NEXMIF: variants seen among roughly 807,000 people sequenced by gnomAD.
NEXMIF encodes XLMR protein related to neurite extension.
NEXMIF carries 8 observed loss-of-function variants against 62.1 expected under a neutral mutation model. The ratio of observed to expected loss-of-function variants is 0.13; its 90% CI spans 0.08 to 0.23. The LOEUF is 0.23. Among genes scored for constraint, NEXMIF ranks in the 10% least tolerant of loss-of-function variants. The pLI is 1.00. For missense variants in NEXMIF, 976 were observed against 1,113.3 expected, an observed-to-expected ratio of 0.88 and a Z score of 1.75; for synonymous variants, 404 against 416.6, an observed-to-expected ratio of 0.97 and a Z score of 0.37.
intron 1 of NEXMIF, among the ~76,000 whole-genome samples, chrX:74,822,884 G>A (rs1005919482): frequency 4.5e-5 from 5 of 111,843 alleles, no homozygotes; most frequent in Admixed American, 1.9e-4. Flanking sequence ...ACATATGTCC[G>A]CAGAAACACT....
chrX:74,797,047 C>A (rs1359207350), intron 1 of NEXMIF, among the ~76,000 whole-genome samples: 2 of 111,895 alleles, frequency 1.8e-5, no homozygotes, highest in Admixed American at 1.9e-4. Flanking sequence ...GAAAATGGAA[C>A]TTTACCTCTG....
intron 1 of NEXMIF, among the ~76,000 whole-genome samples, chrX:74,828,012 A>C (rs2080424191): frequency 8.9e-6 from 1 of 112,047 alleles, no homozygotes; most frequent in African/African-American, 3.2e-5. Flanking sequence ...AGCATGCCCC[A>C]TACCACATCA....
At chrX:74,801,459 T>A (rs1342785404) in intron 1 of NEXMIF, among the ~76,000 whole-genome samples, 4 of 111,592 alleles carry the variant, frequency 3.6e-5, no homozygotes, top group African/African-American at 9.8e-5. Flanking sequence ...TTTCTAGACA[T>A]CCACCAGATG....
At chrX:74,886,264 C>A (rs1378168276) in intron 1 of NEXMIF, among the ~76,000 whole-genome samples, 1 of 111,813 alleles carries the variant, frequency 8.9e-6, no homozygotes, top group African/African-American at 3.3e-5. Context: ...TCTCTCACCA[C>A]TCCTATTCAA....
intron 1 of NEXMIF, among the ~76,000 whole-genome samples, chrX:74,831,322 TC>T (rs2080436099): frequency 9.2e-6 from 1 of 108,448 alleles, no homozygotes; most frequent in African/African-American, 3.4e-5. Flanking sequence ...TACGTATATC[TC>T]CTAATGCTAT....
intron 1 of NEXMIF, among the ~76,000 whole-genome samples, chrX:74,864,708 T>C (rs1448751154): frequency 9.0e-6 from 1 of 110,640 alleles, no homozygotes; most frequent in Non-Finnish European, 1.9e-5. Context: ...GTCTCAGGTA[T>C]TTCTTTTTTT....
rs755195783 is a variant in NEXMIF at position 74,883,010 on chromosome X, A to G, written c.-48+41873T>C. Among the ~76,000 whole-genome samples, 3 of 111,701 alleles carry G rather than the reference A, an allele frequency of 2.7e-5. No homozygotes were observed. The East Asian group carries it at 8.5e-4, about 32-fold the overall frequency. On this transcript the variant is annotated intron_variant, in intron 1 of 3. Transcript: ENST00000055682. Reference sequence around the variant, plus strand: ...CACCAATATCCGCTGTTCTGCAGCCACCACTGCTGATACCTAGGCAAACAG... The same window carrying G: ...CACCAATATCCGCTGTTCTGCAGCCGCCACTGCTGATACCTAGGCAAACAG...
intron 1 of NEXMIF, among the ~76,000 whole-genome samples, chrX:74,819,621 T>C (rs2080387999): frequency 9.0e-6 from 1 of 111,643 alleles, no homozygotes; most frequent in African/African-American, 3.3e-5. Context: ...GAAATGCAAA[T>C]CAAAACCACA....
At chrX:74,876,213 A>C (rs966994462) in intron 1 of NEXMIF, among the ~76,000 whole-genome samples, 2 of 111,144 alleles carry the variant, frequency 1.8e-5, no homozygotes, top group African/African-American at 3.3e-5. Flanking sequence ...TTGGTTTCAA[A>C]GAACATCTTT....
chrX:74,794,962 G>C lies in NEXMIF; in HGVS notation c.-47-49265C>G, dbSNP rs184383446. On this transcript the variant is annotated intron_variant, in intron 1 of 3. Coordinates refer to ENST00000055682, the MANE Select transcript of NEXMIF (RefSeq NM_001008537.3). ...TGTGTTGCTCACGCTGGGAGCTGTA[G>C]ACTGGAGCTGTTCCTATTCGGCCAT... is the stretch of plus-strand genomic sequence containing the variant. Among the ~76,000 whole-genome samples, 566 of 111,848 alleles carry C rather than the reference G, an allele frequency of 5.1e-3. 4 individuals are homozygous for C. Among genetic ancestry groups the C allele is most frequent in the African/African-American group, 0.018 (544 of 30,794 alleles).
At chrX:74,877,695 T>C (rs1177905542) in intron 1 of NEXMIF, among the ~76,000 whole-genome samples, 2 of 111,514 alleles carry the variant, frequency 1.8e-5, no homozygotes, top group Admixed American at 9.6e-5. Context: ...CGTTTCTTTT[T>C]ATTCTTTTTT....
rs1436218235 is a variant in NEXMIF at position 74,735,616 on chromosome X, A to T, written c.*3789T>A. The stretch of plus-strand genomic sequence containing the variant: ...CGCAGATGCTTCCCAGCAAGGAAAA[A>T]GTTCAGAGAAGGTGAAAGTTGTCAC... On this transcript the variant is annotated 3_prime_UTR_variant, in exon 4 of 4. Transcript: ENST00000055682. 1 of 111,918 alleles carries T rather than the reference A, an allele frequency of 8.9e-6. No homozygotes were observed. The highest frequency in any genetic ancestry group is 3.3e-5 in the African/African-American group (1 of 30,703). The allele number at this position is 111,918 out of a possible 1,213,427, so 9.2% of individuals were successfully genotyped here.
chrX:74,908,177 A>G (rs2080775300), intron 1 of NEXMIF, among the ~76,000 whole-genome samples: 1 of 112,031 alleles, frequency 8.9e-6, no homozygotes, highest in South Asian at 3.7e-4. Flanking sequence ...AAGGCAAAGT[A>G]AAGAGCATAC....
At chrX:74,835,355 C>T (rs1254877029) in intron 1 of NEXMIF, among the ~76,000 whole-genome samples, 1 of 111,277 alleles carries the variant, frequency 9.0e-6, no homozygotes, top group Non-Finnish European at 1.9e-5. Context: ...GATGATCTTG[C>T]TGCTTGTAGA....
intron 1 of NEXMIF, among the ~76,000 whole-genome samples, chrX:74,822,434 C>T (rs1602239994): frequency 8.9e-6 from 1 of 111,876 alleles, no homozygotes; most frequent in East Asian, 2.8e-4. Flanking sequence ...GCAAAAGACA[C>T]CACCAAAAAT....
chrX:74,893,760 C>G (rs1024161144), intron 1 of NEXMIF, among the ~76,000 whole-genome samples: 4 of 111,994 alleles, frequency 3.6e-5, no homozygotes, highest in Non-Finnish European at 7.5e-5. Context: ...GAAATTATAG[C>G]ATCCTAAATT....
intron 1 of NEXMIF, among the ~76,000 whole-genome samples, chrX:74,821,144 G>T (rs1364426170): frequency 9.0e-6 from 1 of 111,076 alleles, no homozygotes; most frequent in Non-Finnish European, 1.9e-5. Context: ...ACAACTGTTT[G>T]TCTCTTCTGA....
chrX:74,913,273 T>C lies in NEXMIF; in HGVS notation c.-48+11610A>G, dbSNP rs998892644. On this transcript the variant is annotated intron_variant, in intron 1 of 3. Transcript: ENST00000055682. ...TAATAATCAAAACATAAAAACTCAA[T>C]GTATGGTCTCTACAACAGAATGAAG... 4.5e-5 allele frequency among the ~76,000 whole-genome samples: 5 copies of C among 111,880 alleles called. No individual in the cohort carries two copies. The Admixed American group carries it at 4.8e-4, about 11-fold the overall frequency.
In NEXMIF at chrX:74,741,888, G is replaced by A. The variant is rs377201508; in HGVS notation, c.2669C>T (p.Pro890Leu). ...CTGGGTGCCAGAAGTAGCCTTGTTGGGCCACACATTTCTATAGTTGCTTGA... is the reference window on the plus strand; with the variant it reads ...CTGGGTGCCAGAAGTAGCCTTGTTGAGCCACACATTTCTATAGTTGCTTGA... Reference protein sequence around the residue: ...MESSNYRNVWPNKATSGTQEF... With the variant: ...MESSNYRNVWLNKATSGTQEF... The change falls in exon 3 of 4, where the codon CCC (proline) becomes CTC (leucine). Residue 890 changes from proline (P) to leucine (L), a missense_variant. Around this residue, in one of 5 missense-constraint regions of NEXMIF, gnomAD observed 639 missense variants for 694.5 expected, o/e 0.92. Transcript: ENST00000055682. 1.5e-4 allele frequency: 181 copies of A among 1,210,024 alleles called. No individual in the cohort carries two copies. Among genetic ancestry groups the A allele is most frequent in the Non-Finnish European group, 1.9e-4 (166 of 895,124 alleles).
Sources: gnomAD v4.1 joint callset for allele counts (sites outside exome capture counted in the v4.1 genomes callset) on GRCh38, gnomAD v4.1.1 for gene constraint, gnomAD v4.1.1 regional missense constraint, MANE v1.5 for transcripts, NCBI Gene and HGNC (gene_info 2026-07-23, HGNC 2026-07-21) for gene names.